RASAL2: variants seen among roughly 807,000 people sequenced by gnomAD.
RASAL2 encodes RAS protein activator like 2.
Under a neutral mutation model 128.9 loss-of-function variants are expected in RASAL2, and 58 were observed. The observed-to-expected ratio is 0.45, with a 90% CI of 0.36 to 0.56. The LOEUF is 0.56. RASAL2 is among the 20% of genes least tolerant of loss of function. The pLI, the probability that RASAL2 is intolerant of heterozygous loss-of-function variation, is 0.00. For synonymous variants in RASAL2, 561 were observed against 580.8 expected (o/e 0.97, Z 0.49); for missense variants, 1,360 against 1,601.6 (o/e 0.85, Z 2.57).
chr1:178,228,123 C>A (rs759932313), intron 1 of RASAL2, among the ~76,000 whole-genome samples: 1 of 152,052 alleles, frequency 6.6e-6, no homozygotes, highest in Non-Finnish European at 1.5e-5. Context: ...TTTAGCTAGC[C>A]GTGACAGATC....
At chr1:178,202,801 G>A (rs1226812983) in intron 1 of RASAL2, among the ~76,000 whole-genome samples, 2 of 152,166 alleles carry the variant, frequency 1.3e-5, no homozygotes, top group Non-Finnish European at 2.9e-5. Context: ...GGGATGACTC[G>A]TTCTGTATGC....
At chr1:178,122,867 T>C (rs1659768085) in intron 1 of RASAL2, among the ~76,000 whole-genome samples, 1 of 151,736 alleles carries the variant, frequency 6.6e-6, no homozygotes, top group Non-Finnish European at 1.5e-5. Context: ...CACACTACTT[T>C]GGATGATTTT....
At chr1:178,410,798 T>G (rs1044207706) in intron 4 of RASAL2, among the ~76,000 whole-genome samples, 1 of 151,904 alleles carries the variant, frequency 6.6e-6, no homozygotes, top group Non-Finnish European at 1.5e-5. Flanking sequence ...ATCAGGGAAA[T>G]GCAAATCAAA....
chr1:178,456,718 C>A lies in RASAL2; in HGVS notation c.2212-3C>A. The A allele has an allele frequency of 6.2e-7, 1 of 1,614,072 alleles. No homozygotes were observed. Among genetic ancestry groups the A allele is most frequent in the Non-Finnish European group, 8.5e-7 (1 of 1,179,990 alleles). On this transcript the variant is annotated splice_polypyrimidine_tract_variant and splice_region_variant and intron_variant, in intron 12 of 17. Transcript: ENST00000367649. ...CAATTAGGGTGAAAATTCCTTCCTACAGGCGACCGTGGCAAAATTGGGGCC... is the reference window on the plus strand; with the variant it reads ...CAATTAGGGTGAAAATTCCTTCCTAAAGGCGACCGTGGCAAAATTGGGGCC...
At chr1:178,216,585 T>C (rs1385626723) in intron 1 of RASAL2, among the ~76,000 whole-genome samples, 1 of 152,248 alleles carries the variant, frequency 6.6e-6, no homozygotes, top group Non-Finnish European at 1.5e-5. Flanking sequence ...TCTTATCTAA[T>C]GTTTTTTTGG....
intron 1 of RASAL2, among the ~76,000 whole-genome samples, chr1:178,272,773 C>A (rs1666320332): frequency 6.6e-6 from 1 of 152,004 alleles, no homozygotes; most frequent in Admixed American, 6.6e-5. Flanking sequence ...ACTAAAAATA[C>A]AAAAATCAGC....
chr1:178,231,129 C>T (rs1255181627), intron 1 of RASAL2, among the ~76,000 whole-genome samples: 1 of 152,116 alleles, frequency 6.6e-6, no homozygotes, highest in Non-Finnish European at 1.5e-5. Context: ...AACTGCCTTT[C>T]CCTGGTGCTG....
chr1:178,132,374 A>G (rs1660152478), intron 1 of RASAL2, among the ~76,000 whole-genome samples: 1 of 152,002 alleles, frequency 6.6e-6, no homozygotes, highest in African/African-American at 2.4e-5. Context: ...CCTTAAAAAA[A>G]TAATTTACTA....
At chr1:178,421,261 G>A (rs1675124539) in intron 5 of RASAL2, among the ~76,000 whole-genome samples, 1 of 152,152 alleles carries the variant, frequency 6.6e-6, no homozygotes, top group Non-Finnish European at 1.5e-5. Context: ...GGAAGCCTGG[G>A]TGGATTTCCA....
chr1:178,326,890 A>G (rs982980488), intron 3 of RASAL2, among the ~76,000 whole-genome samples: 3 of 152,020 alleles, frequency 2.0e-5, no homozygotes, highest in Admixed American at 6.6e-5. Context: ...CATTTTACCT[A>G]TGTTATCTTC....
chr1:178,268,707 C>A (rs1666103477), intron 1 of RASAL2, among the ~76,000 whole-genome samples: 1 of 152,142 alleles, frequency 6.6e-6, no homozygotes, highest in Non-Finnish European at 1.5e-5. Context: ...GACCCCCCTG[C>A]CTTAGCCTCC....
intron 1 of RASAL2, among the ~76,000 whole-genome samples, chr1:178,260,079 G>A (rs1005790448): frequency 2.0e-5 from 3 of 151,608 alleles, no homozygotes; most frequent in East Asian, 2.0e-4. Flanking sequence ...GAGGCCAGGC[G>A]CGTTGGCTCA....
chr1:178,295,365 C>T (rs1398341037), intron 2 of RASAL2, among the ~76,000 whole-genome samples: 1 of 152,020 alleles, frequency 6.6e-6, no homozygotes, highest in Non-Finnish European at 1.5e-5. Flanking sequence ...GTTCCCTCTC[C>T]TCACCCCTCA....
At chr1:178,182,508 G>T (rs1001852200) in intron 1 of RASAL2, among the ~76,000 whole-genome samples, 3 of 152,178 alleles carry the variant, frequency 2.0e-5, no homozygotes, top group African/African-American at 7.2e-5. Context: ...ACTGATTCGT[G>T]TATATACACA....
chr1:178,334,913 C>T (rs1053805745), intron 3 of RASAL2, among the ~76,000 whole-genome samples: 3 of 151,512 alleles, frequency 2.0e-5, no homozygotes, highest in South Asian at 2.1e-4. Context: ...GCTGAGATTG[C>T]GCCACTGCAC....
At chr1:178,436,280 G>A (rs1187971888) in intron 5 of RASAL2, among the ~76,000 whole-genome samples, 12 of 152,094 alleles carry the variant, frequency 7.9e-5, no homozygotes, top group East Asian at 1.9e-4. Flanking sequence ...GAATATATTC[G>A]TGACTTTGGT....
At chr1:178,435,309 A>AG (rs1472076393) in intron 5 of RASAL2, among the ~76,000 whole-genome samples, 2 of 152,096 alleles carry the variant, frequency 1.3e-5, no homozygotes, top group Non-Finnish European at 2.9e-5. Context: ...CATTCTGAAA[A>AG]ATTGGCCAGT....
In RASAL2 at chr1:178,124,282, G is replaced by C. The variant is rs74128852; in HGVS notation, c.202+29588G>C. On this transcript the variant is annotated intron_variant, in intron 1 of 17. Transcript: ENST00000367649. ...CCTAGGGGAATTTTGCCCTCCAGGG[G>C]ACATTTGACAAAGTCTGCAGACATT... 5.5e-3 allele frequency among the ~76,000 whole-genome samples: 837 copies of C among 152,256 alleles called. 11 individuals carry two copies. Among genetic ancestry groups the C allele is most frequent in the African/African-American group, 0.019 (785 of 41,558 alleles).
chr1:178,419,109 G>C (rs1018319538), intron 4 of RASAL2, among the ~76,000 whole-genome samples: 3 of 152,104 alleles, frequency 2.0e-5, no homozygotes, highest in African/African-American at 7.2e-5. Flanking sequence ...GAATATAAAA[G>C]ATTTGATGTG....
Sources: allele counts gnomAD v4.1 joint callset (sites outside exome capture counted in the v4.1 genomes callset), GRCh38; gene constraint gnomAD v4.1.1; transcripts MANE v1.5; gene names NCBI Gene and HGNC (gene_info 2026-07-23, HGNC 2026-07-21).